The following CDH18 variants were observed in gnomAD, a reference collection of about 807,000 sequenced individuals.
CDH18 encodes cadherin-18.
Under a neutral mutation model 67.9 loss-of-function variants are expected in CDH18, and 31 were observed. The observed-to-expected ratio is 0.46, with a 90% confidence interval of 0.34 to 0.62. CDH18 has a LOEUF of 0.62. CDH18 is among the 20% of genes least tolerant of loss of function. The pLI is 0.01. For synonymous variants in CDH18, 362 were observed against 347.2 expected (o/e 1.04, Z -0.48); for missense variants, 890 against 975.5 (o/e 0.91, Z 1.17).
At chr5:19,495,417 A>C (rs1014350913) in intron 11 of CDH18, among the ~76,000 whole-genome samples, 2 of 152,124 alleles carry the variant, frequency 1.3e-5, no homozygotes, top group East Asian at 1.9e-4. Context: ...AAATTCTCCC[A>C]CTAAAAACAA....
At chr5:20,133,712 C>T (rs1359720563) in intron 2 of CDH18, among the ~76,000 whole-genome samples, 1 of 151,528 alleles carries the variant, frequency 6.6e-6, no homozygotes, top group Non-Finnish European at 1.5e-5. Context: ...TATAAAGTGC[C>T]CCCTAACCTT....
intron 2 of CDH18, among the ~76,000 whole-genome samples, chr5:19,857,468 T>C (rs1784434025): frequency 6.6e-6 from 1 of 152,086 alleles, no homozygotes; most frequent in Non-Finnish European, 1.5e-5. Context: ...ATTTAAAAAA[T>C]AATGCCTTTA....
At chr5:19,704,797 T>C (rs1168662137) in intron 5 of CDH18, among the ~76,000 whole-genome samples, 2 of 152,138 alleles carry the variant, frequency 1.3e-5, no homozygotes, top group Non-Finnish European at 2.9e-5. Flanking sequence ...GTCTTTGTTA[T>C]TAAGAAAAAA....
chr5:20,433,842 A>C (rs1294719469), intron 1 of CDH18, among the ~76,000 whole-genome samples: 1 of 152,136 alleles, frequency 6.6e-6, no homozygotes, highest in Non-Finnish European at 1.5e-5. Context: ...AAGTTTCAGA[A>C]AGCCCACTCA....
Position 19,901,694 on chromosome 5 carries a change from T to C in CDH18, c.-256-62452A>G, listed in dbSNP as rs896885521. On this transcript the variant is annotated intron_variant, in intron 2 of 12. Transcript: ENST00000382275. The stretch of plus-strand genomic sequence containing the variant: ...TATTTCCTGATAGAATTTATAATAT[T>C]AGATGCAGATATTTTTAAAATAAAA... Among the ~76,000 whole-genome samples, 24 of 152,034 alleles carry C rather than the reference T, an allele frequency of 1.6e-4. 1 individual carries two copies. The highest frequency in any genetic ancestry group is 8.8e-5 in the Non-Finnish European group (6 of 67,974).
intron 1 of CDH18, among the ~76,000 whole-genome samples, chr5:20,504,111 T>C (rs1754512117): frequency 6.6e-6 from 1 of 152,044 alleles, no homozygotes; most frequent in African/African-American, 2.4e-5. Flanking sequence ...GCTCCAACTA[T>C]GTCATAATAA....
At chr5:19,853,055 T>G (rs2149936028) in intron 2 of CDH18, among the ~76,000 whole-genome samples, 1 of 152,224 alleles carries the variant, frequency 6.6e-6, no homozygotes, top group East Asian at 1.9e-4. Flanking sequence ...CCAGTAAAAC[T>G]GTGAGAGGCA....
intron 8 of CDH18, among the ~76,000 whole-genome samples, chr5:19,564,549 G>C (rs1334404749): frequency 2.6e-5 from 4 of 152,150 alleles, no homozygotes; most frequent in Non-Finnish European, 5.9e-5. Flanking sequence ...CTTGGACCTT[G>C]AGTAAGCATC....
chr5:20,367,050 A>T (rs1322026933), intron 1 of CDH18, among the ~76,000 whole-genome samples: 1 of 152,096 alleles, frequency 6.6e-6, no homozygotes, highest in Non-Finnish European at 1.5e-5. Flanking sequence ...ACACTCAGCC[A>T]CTTCTAACCA....
At chr5:20,507,997 T>C (rs1029810914) in intron 1 of CDH18, among the ~76,000 whole-genome samples, 5 of 152,104 alleles carry the variant, frequency 3.3e-5, no homozygotes, top group African/African-American at 1.2e-4. Flanking sequence ...AATATTTAAG[T>C]GTTTTCCATT....
chr5:19,495,321 C>T (rs1222871623), intron 11 of CDH18, among the ~76,000 whole-genome samples: 2 of 152,104 alleles, frequency 1.3e-5, no homozygotes, highest in African/African-American at 4.8e-5. Flanking sequence ...ATTTATGTCC[C>T]AATTACTTAA....
At chr5:19,711,277 C>T (rs1171209854) in intron 5 of CDH18, among the ~76,000 whole-genome samples, 2 of 151,868 alleles carry the variant, frequency 1.3e-5, no homozygotes, top group African/African-American at 4.8e-5. Flanking sequence ...TTCTGCACAG[C>T]AAATGCAACA....
chr5:19,778,180 A>G (rs1033317472), intron 3 of CDH18, among the ~76,000 whole-genome samples: 12 of 152,220 alleles, frequency 7.9e-5, no homozygotes, highest in Non-Finnish European at 1.6e-4. Flanking sequence ...AGTAGAAACA[A>G]CACAGAACAT....
intron 5 of CDH18, among the ~76,000 whole-genome samples, chr5:19,618,192 C>T (rs547187791): frequency 1.1e-4 from 17 of 151,762 alleles, no homozygotes; most frequent in Non-Finnish European, 2.2e-4. Flanking sequence ...CACATGTGTA[C>T]TTCTGCTTAT....
At chr5:19,714,248 G>A (rs1765072558) in intron 5 of CDH18, among the ~76,000 whole-genome samples, 1 of 149,280 alleles carries the variant, frequency 6.7e-6, no homozygotes, top group African/African-American at 2.4e-5. Context: ...CCAGAGCAGT[G>A]TTGATAGATA....
In CDH18 at chr5:20,153,342, T is replaced by C. The variant is rs138198914; in HGVS notation, c.-518+102102A>G. On this transcript the variant is annotated intron_variant, in intron 2 of 14. Coordinates refer to the CDH18 transcript ENST00000507958. ...ATTTATGCTGTTCTCAGAGTATCCA[T>C]ATAATCAAGCCTAGAGTCTGTATTC... Among the ~76,000 whole-genome samples the C allele has an allele frequency of 1.1e-4, 16 of 152,244 alleles. No homozygotes were observed. In the East Asian group the frequency reaches 3.1e-3, roughly 29 times the overall value.
intron 4 of CDH18, among the ~76,000 whole-genome samples, chr5:19,727,298 A>G (rs7728744): frequency 0.018 from 2,680 of 152,332 alleles, 70 homozygotes; most frequent in African/African-American, 0.062. Flanking sequence ...ATCATGCCAG[A>G]GTAGTGCGGG....
chr5:19,474,526 G>C lies in CDH18; in HGVS notation c.1883-810C>G, dbSNP rs568432955. On this transcript the variant is annotated intron_variant, in intron 12 of 12. Transcript: ENST00000382275. ...AGTAGGACATAAATAACTTCCACAA[G>C]CTTAATGTTCCAATAATGGAACACT... 2.0e-3 allele frequency among the ~76,000 whole-genome samples: 304 copies of C among 152,064 alleles called. 1 individual carries two copies. The highest frequency in any genetic ancestry group is 3.1e-3 in the Non-Finnish European group (210 of 67,974).
chr5:20,080,723 G>GA (rs1361247279), intron 2 of CDH18, among the ~76,000 whole-genome samples: 3 of 4,438 alleles, frequency 6.8e-4, no homozygotes, highest in African/African-American at 7.3e-4. Flanking sequence ...TGATTAGGAA[G>GA]AAGGGGAGAG....
Sources: gnomAD v4.1 joint callset for allele counts (sites outside exome capture counted in the v4.1 genomes callset) on GRCh38, gnomAD v4.1.1 for gene constraint, MANE v1.5 for transcripts, NCBI Gene and HGNC (gene_info 2026-07-23, HGNC 2026-07-21) for gene names.